Variants in SUGCT observed in about 807,000 individuals in gnomAD.
SUGCT encodes the protein succinyl-CoA:glutarate-CoA transferase, also known as succinyl-CoA:glutarate CoA-transferase.
A neutral mutation model predicts 55.0 loss-of-function variants in SUGCT; 41 were observed. The observed-to-expected ratio is 0.74, with a 90% CI of 0.58 to 0.97. The LOEUF (loss-of-function observed/expected upper bound fraction) is 0.97, where lower values mean the gene tolerates loss of function less well. SUGCT is among the 50% of genes least tolerant of loss of function. SUGCT has a pLI of 0.00. For synonymous variants in SUGCT, 187 were observed against 200.4 expected (o/e 0.93, Z 0.56); for missense variants, 568 against 547.8 (o/e 1.04, Z -0.37).
chr7:40,348,776 A>G (rs1353845461), intron 9 of SUGCT, among the ~76,000 whole-genome samples: 2 of 151,996 alleles, frequency 1.3e-5, no homozygotes, highest in Non-Finnish European at 2.9e-5. Context: ...TGTAATGCTG[A>G]ATTTTACTCT....
chr7:40,652,281 T>C (rs955052107), intron 12 of SUGCT, among the ~76,000 whole-genome samples: 3 of 152,226 alleles, frequency 2.0e-5, no homozygotes, highest in African/African-American at 7.2e-5. Flanking sequence ...GGAGGGCAGA[T>C]TCATTTATTC....
chr7:40,667,693 G>C (rs1368406822), intron 12 of SUGCT, among the ~76,000 whole-genome samples: 2 of 151,822 alleles, frequency 1.3e-5, no homozygotes, highest in Non-Finnish European at 2.9e-5. Context: ...TGTATTTCCA[G>C]TAATTTATTC....
chr7:40,597,128 T>C (rs570583187), intron 12 of SUGCT, among the ~76,000 whole-genome samples: 1 of 152,336 alleles, frequency 6.6e-6, no homozygotes, highest in East Asian at 1.9e-4. Flanking sequence ...TTATATCTTT[T>C]TGTTATCCTA....
chr7:40,912,097 C>A, the SUGCT span, among the ~76,000 whole-genome samples: 1 of 151,906 alleles, frequency 6.6e-6, no homozygotes, highest in African/African-American at 2.4e-5. Context: ...GAGGATGCTT[C>A]ACTTCAACTT....
chr7:40,698,985 T>G (rs1785059379), intron 12 of SUGCT, among the ~76,000 whole-genome samples: 1 of 152,232 alleles, frequency 6.6e-6, no homozygotes, highest in South Asian at 2.1e-4. Flanking sequence ...CATTTTAAGT[T>G]TCTATCAATC....
chr7:40,515,375 C>T (rs1035167649), intron 12 of SUGCT, among the ~76,000 whole-genome samples: 3 of 152,184 alleles, frequency 2.0e-5, no homozygotes, highest in Admixed American at 1.3e-4. Flanking sequence ...AGATAATCCA[C>T]GGATTTTAGC....
At chr7:40,993,249 C>G in the SUGCT span, among the ~76,000 whole-genome samples, 1 of 152,062 alleles carries the variant, frequency 6.6e-6, no homozygotes, top group Non-Finnish European at 1.5e-5. Context: ...TTTCTACTAC[C>G]CACTAAATGG....
At chr7:40,787,927 C>T (rs1790110104) in intron 13 of SUGCT, among the ~76,000 whole-genome samples, 2 of 152,148 alleles carry the variant, frequency 1.3e-5, no homozygotes, top group Non-Finnish European at 2.9e-5. Context: ...GGCACTTCCT[C>T]CCCTGCCCGG....
intron 12 of SUGCT, among the ~76,000 whole-genome samples, chr7:40,746,072 T>C (rs1411549851): frequency 1.3e-5 from 2 of 152,150 alleles, no homozygotes; most frequent in Non-Finnish European, 2.9e-5. Flanking sequence ...TCATTTCCAA[T>C]GAAGTTTAGA....
At chr7:40,735,458 A>G (rs972058303) in intron 12 of SUGCT, among the ~76,000 whole-genome samples, 1 of 152,200 alleles carries the variant, frequency 6.6e-6, no homozygotes, top group African/African-American at 2.4e-5. Context: ...ATGGGGGACT[A>G]TATGACCAGA....
chr7:40,444,589 A>G (rs928803725), intron 9 of SUGCT, among the ~76,000 whole-genome samples: 8 of 152,090 alleles, frequency 5.3e-5, no homozygotes, highest in African/African-American at 9.6e-5. Flanking sequence ...CTGAGACTTT[A>G]CTGAAGTTTC....
chr7:40,427,986 C>T (rs1335367920), intron 9 of SUGCT, among the ~76,000 whole-genome samples: 3 of 151,982 alleles, frequency 2.0e-5, no homozygotes, highest in East Asian at 1.9e-4. Context: ...ATGTTCTATT[C>T]GAGATTGAAA....
At position 40,310,973 on chromosome 7, in the gene SUGCT, T is replaced by C. The variant is rs560218730; in HGVS notation, c.721-5787T>C. Among the ~76,000 whole-genome samples, 8 of 152,334 alleles carry C rather than the reference T, an allele frequency of 5.3e-5. No individual in the cohort carries two copies. The South Asian group carries it at 1.4e-3, about 28-fold the overall frequency. ...CTTTTAAATACTTTCTATAGGCTGC[T>C]GAGTCCTGCCTAATTGATTATATCA... On this transcript the variant is annotated intron_variant, in intron 8 of 13. Coordinates refer to ENST00000335693, the MANE Select transcript of SUGCT (RefSeq NM_001193313.2).
At chr7:40,221,243 G>T (rs898736417) in intron 6 of SUGCT, among the ~76,000 whole-genome samples, 2 of 151,464 alleles carry the variant, frequency 1.3e-5, no homozygotes, top group Admixed American at 1.3e-4. Context: ...GTGAAACCCA[G>T]TCTCTACTAA....
chr7:40,770,965 A>G (rs1789069229), intron 13 of SUGCT, among the ~76,000 whole-genome samples: 1 of 152,190 alleles, frequency 6.6e-6, no homozygotes, highest in Admixed American at 6.5e-5. Context: ...AGCTATTAAA[A>G]TGTATTTATA....
chr7:40,971,270 G>A, the SUGCT span, among the ~76,000 whole-genome samples: 2 of 152,172 alleles, frequency 1.3e-5, no homozygotes, highest in Admixed American at 6.5e-5. Context: ...TCAGCATGAA[G>A]AGGATGGTGC....
intron 13 of SUGCT, among the ~76,000 whole-genome samples, chr7:40,829,237 T>C (rs1489984967): frequency 6.6e-6 from 1 of 152,196 alleles, no homozygotes; most frequent in Non-Finnish European, 1.5e-5. Flanking sequence ...TGTGTATAAA[T>C]ATAGCTAGCC....
At chr7:40,427,870 T>A (rs560100484) in intron 9 of SUGCT, among the ~76,000 whole-genome samples, 1 of 152,310 alleles carries the variant, frequency 6.6e-6, no homozygotes, top group South Asian at 2.1e-4. Flanking sequence ...CAGTGGTTCT[T>A]GAGAAGAATG....
At chr7:40,332,272 G>A (rs4452702) in intron 9 of SUGCT, among the ~76,000 whole-genome samples, 85,457 of 151,862 alleles carry the variant, frequency 0.56, 24,117 homozygotes, top group South Asian at 0.65. Context: ...CCATGGTTTC[G>A]CTTGATAATA....
Sources: allele counts gnomAD v4.1 joint callset (sites outside exome capture counted in the v4.1 genomes callset), GRCh38; gene constraint gnomAD v4.1.1; transcripts MANE v1.5; gene names NCBI Gene and HGNC (gene_info 2026-07-23, HGNC 2026-07-21).